FBXW10B: variants seen among roughly 807,000 people sequenced by gnomAD.
The protein encoded by FBXW10B is F-box and WD repeat domain containing protein 10B.
At chr17:15,613,287 A>T in the FBXW10B span, among the ~76,000 whole-genome samples, 1 of 149,082 alleles carries the variant, frequency 6.7e-6, no homozygotes, top group Non-Finnish European at 1.5e-5. Context: ...GCAGAGACAC[A>T]TTTATGGCTT....
At chr17:15,612,235 C>T in the FBXW10B span, among the ~76,000 whole-genome samples, 402 of 152,216 alleles carry the variant, frequency 2.6e-3, 10 homozygotes, top group East Asian at 0.054. Flanking sequence ...GGGCTGGGCG[C>T]GGTGGCTCAC....
the FBXW10B span, among the ~76,000 whole-genome samples, chr17:15,618,701 C>G: frequency 6.6e-6 from 1 of 152,172 alleles, no homozygotes; most frequent in Non-Finnish European, 1.5e-5. Flanking sequence ...ATTAAGGGGT[C>G]AGGGGCAGGG....
the FBXW10B span, chr17:15,588,609 A>G: frequency 1.8e-4 from 80 of 447,728 alleles, no homozygotes; most frequent in African/African-American, 1.4e-3. Context: ...TCTAATCCTG[A>G]CTCTCTTAAC....
the FBXW10B span, among the ~76,000 whole-genome samples, chr17:15,597,997 T>G: frequency 6.6e-6 from 1 of 152,232 alleles, no homozygotes; most frequent in African/African-American, 2.4e-5. Flanking sequence ...GGCCATGTGC[T>G]TAATCATTTC....
chr17:15,611,742 A>G, the FBXW10B span, among the ~76,000 whole-genome samples: 1 of 152,132 alleles, frequency 6.6e-6, no homozygotes, highest in Non-Finnish European at 1.5e-5. Context: ...AATTAAATAG[A>G]CTTCAAAATA....
At chr17:15,576,955 G>GT in the FBXW10B span, among the ~76,000 whole-genome samples, 1 of 138,894 alleles carries the variant, frequency 7.2e-6, no homozygotes, top group Admixed American at 7.4e-5. Flanking sequence ...TTTACTGAGG[G>GT]TTTTACCAGT....
At chr17:15,590,051 G>A in the FBXW10B span, among the ~76,000 whole-genome samples, 6 of 151,922 alleles carry the variant, frequency 3.9e-5, no homozygotes, top group Admixed American at 6.6e-5. Context: ...TCAGCAAAGC[G>A]GTGGTGAGCA....
the FBXW10B span, chr17:15,619,092 G>T: frequency 6.2e-7 from 1 of 1,613,954 alleles, no homozygotes; most frequent in Non-Finnish European, 8.5e-7. Flanking sequence ...CACATCTGCA[G>T]CAGTAAGAGA....
At chr17:15,583,202 T>C in the FBXW10B span, among the ~76,000 whole-genome samples, 1 of 129,298 alleles carries the variant, frequency 7.7e-6, no homozygotes, top group Non-Finnish European at 1.7e-5. Flanking sequence ...CTCATTCTAC[T>C]CTCCAGATAT....
chr17:15,566,754 C>T, the FBXW10B span, among the ~76,000 whole-genome samples: 3 of 151,396 alleles, frequency 2.0e-5, no homozygotes, highest in East Asian at 2.0e-4. Context: ...TTAGTAGAGA[C>T]GGGGTTTCAC....
At chr17:15,586,065 T>A in the FBXW10B span, among the ~76,000 whole-genome samples, 1 of 151,802 alleles carries the variant, frequency 6.6e-6, no homozygotes, top group African/African-American at 2.4e-5. Flanking sequence ...ACCCACTGAG[T>A]GGAAAGTTAG....
At chr17:15,610,542 G>A in the FBXW10B span, among the ~76,000 whole-genome samples, 2 of 152,154 alleles carry the variant, frequency 1.3e-5, no homozygotes, top group Admixed American at 6.5e-5. Flanking sequence ...GTGAAGTTTG[G>A]TAGTTACCCA....
the FBXW10B span, chr17:15,588,911 C>A: frequency 6.2e-7 from 1 of 1,614,032 alleles, no homozygotes; most frequent in Non-Finnish European, 8.5e-7. Flanking sequence ...GCCATTCTGA[C>A]CTTGGGGGTG....
chr17:15,568,804 C>CTGTTTTTTTTT, the FBXW10B span: 1 of 1,195,324 alleles, frequency 8.4e-7, no homozygotes. Flanking sequence ...CCTAGGCACT[C>CTGTTTTTTTTT]TTTTTCTGTT....
the FBXW10B span, among the ~76,000 whole-genome samples, chr17:15,576,255 T>C: frequency 6.6e-6 from 1 of 152,230 alleles, no homozygotes; most frequent in African/African-American, 2.4e-5. Context: ...GGCCTACTGT[T>C]TCTTTTAAAT....
At chr17:15,593,191 T>C in the FBXW10B span, 50 of 1,232,572 alleles carry the variant, frequency 4.1e-5, no homozygotes, top group Admixed American at 6.4e-4. Flanking sequence ...CACAAGACTA[T>C]TGCTCCACCC....
At chr17:15,611,013 A>G in the FBXW10B span, among the ~76,000 whole-genome samples, 2 of 151,034 alleles carry the variant, frequency 1.3e-5, no homozygotes, top group Admixed American at 1.3e-4. Flanking sequence ...GAAATCCAGA[A>G]ATGTGTTTTC....
chr17:15,565,982 C>T, the FBXW10B span: 1 of 1,611,040 alleles, frequency 6.2e-7, no homozygotes, highest in African/African-American at 1.4e-5. Context: ...GTGGACTGGG[C>T]TCTAGGACTG....
the FBXW10B span, chr17:15,612,655 A>G: frequency 1.2e-6 from 2 of 1,613,148 alleles, no homozygotes; most frequent in Non-Finnish European, 1.7e-6. Context: ...TGGCAATTAG[A>G]ATGAGACGCT....
Sources: gnomAD v4.1 joint callset for allele counts (sites outside exome capture counted in the v4.1 genomes callset) on GRCh38, gnomAD v4.1.1 for gene constraint, MANE v1.5 for transcripts, NCBI Gene and HGNC (gene_info 2026-07-23, HGNC 2026-07-21) for gene names.